Variants in PDZRN4 observed in about 807,000 individuals in gnomAD.
The protein encoded by PDZRN4 is PDZ domain containing ring finger 4.
Under a neutral mutation model 99.0 loss-of-function variants are expected in PDZRN4, and 70 were observed. The observed-to-expected ratio is 0.71, with a 90% CI of 0.58 to 0.86. The LOEUF (loss-of-function observed/expected upper bound fraction) is 0.86. PDZRN4 is among the 40% of genes least tolerant of loss of function. The pLI, the probability that PDZRN4 is intolerant of heterozygous loss-of-function variation, is 0.00. For missense variants in PDZRN4, 1,474 were observed against 1,331.2 expected, an observed-to-expected ratio of 1.11 and a Z score of -1.67; for synonymous variants, 551 against 501.6, an observed-to-expected ratio of 1.10 and a Z score of -1.32.
chr12:41,276,335 G>A (rs1468629446), intron 3 of PDZRN4, among the ~76,000 whole-genome samples: 7 of 152,050 alleles, frequency 4.6e-5, no homozygotes, highest in Admixed American at 4.6e-4. Context: ...ATACAAATAA[G>A]CTCTTCTCTG....
chr12:41,562,397 C>T (rs922872873), intron 7 of PDZRN4, among the ~76,000 whole-genome samples: 4 of 152,086 alleles, frequency 2.6e-5, no homozygotes, highest in Non-Finnish European at 5.9e-5. Flanking sequence ...CTACTTCATG[C>T]TTTTAAGCAG....
intron 3 of PDZRN4, among the ~76,000 whole-genome samples, chr12:41,456,032 C>G (rs1242255801): frequency 6.6e-6 from 1 of 152,154 alleles, no homozygotes; most frequent in African/African-American, 2.4e-5. Flanking sequence ...CTCTCCTTTC[C>G]TTTACCACCA....
chr12:41,355,022 G>A (rs1951916448), intron 3 of PDZRN4, among the ~76,000 whole-genome samples: 1 of 152,100 alleles, frequency 6.6e-6, no homozygotes, highest in Non-Finnish European at 1.5e-5. Flanking sequence ...GCACCACACT[G>A]TTTAATCAAG....
At chr12:41,437,669 G>A (rs1239613674) in intron 3 of PDZRN4, 1 of 1,044,678 alleles carries the variant, frequency 9.6e-7, no homozygotes, top group Admixed American at 3.1e-5. Context: ...GTAGTCATGT[G>A]CACTGATGCA....
chr12:41,350,421 T>C (rs1951881796), intron 3 of PDZRN4, among the ~76,000 whole-genome samples: 1 of 152,078 alleles, frequency 6.6e-6, no homozygotes, highest in African/African-American at 2.4e-5. Context: ...GAAAACTAAA[T>C]TTTAAAAGTC....
At position 41,225,338 on chromosome 12, in the gene PDZRN4, T is replaced by C. The variant is rs187200262; in HGVS notation, c.843+31150T>C. 1.3e-3 allele frequency among the ~76,000 whole-genome samples: 196 copies of C among 152,138 alleles called. 2 individuals are homozygous for C. Among genetic ancestry groups the C allele is most frequent in the African/African-American group, 4.5e-3 (186 of 41,544 alleles). On this transcript the variant is annotated intron_variant, in intron 3 of 9. Transcript: ENST00000402685. ...GGGTGGTTGCATCTGATGTAATAAA[T>C]TGAAAGGAAGAAAGCTAAAAATAAA...
intron 5 of PDZRN4, among the ~76,000 whole-genome samples, chr12:41,546,229 C>T (rs1938948193): frequency 6.6e-6 from 1 of 152,146 alleles, no homozygotes; most frequent in East Asian, 1.9e-4. Context: ...TTGGTCTTAA[C>T]CACAATTGAC....
intron 3 of PDZRN4, among the ~76,000 whole-genome samples, chr12:41,305,581 C>T (rs1427505535): frequency 6.6e-6 from 1 of 151,902 alleles, no homozygotes; most frequent in African/African-American, 2.4e-5. Flanking sequence ...AGAGAGGTCT[C>T]TTCATCTTCT....
intron 3 of PDZRN4, among the ~76,000 whole-genome samples, chr12:41,446,516 A>T (rs983057651): frequency 3.4e-5 from 4 of 117,666 alleles, no homozygotes; most frequent in African/African-American, 1.5e-4. Context: ...ATCATGGTAG[A>T]ATTTAGATGG....
At chr12:41,300,779 T>G (rs1951530709) in intron 3 of PDZRN4, among the ~76,000 whole-genome samples, 1 of 151,978 alleles carries the variant, frequency 6.6e-6, no homozygotes, top group South Asian at 2.1e-4. Flanking sequence ...AATATAACTT[T>G]GTGATTTTTC....
At chr12:41,419,806 G>C (rs141093612) in intron 3 of PDZRN4, among the ~76,000 whole-genome samples, 1 of 152,286 alleles carries the variant, frequency 6.6e-6, no homozygotes. Context: ...TCAGATGCAT[G>C]CAGCACATGC....
intron 5 of PDZRN4, among the ~76,000 whole-genome samples, chr12:41,521,428 G>T (rs1365394364): frequency 6.6e-6 from 1 of 152,048 alleles, no homozygotes; most frequent in Admixed American, 6.6e-5. Context: ...CATTGTATAA[G>T]ATGAATAGAG....
rs569838668 is a variant in PDZRN4 at position 41,440,201 on chromosome 12, A to T, written c.844-66255A>T. Among the ~76,000 whole-genome samples the T allele has an allele frequency of 3.9e-5, 6 of 152,256 alleles. No individual in the cohort carries two copies. The South Asian group carries it at 1.2e-3, about 32-fold the overall frequency. The stretch of plus-strand genomic sequence containing the variant: ...CATACACTAACACCTGATTGCCCAA[A>T]TCATATTTATTTAAAGAATTGTAAT... On this transcript the variant is annotated intron_variant, in intron 3 of 9. Coordinates refer to ENST00000402685, the MANE Select transcript of PDZRN4 (RefSeq NM_001164595.2).
chr12:41,326,946 AT>A (rs1951712851), intron 3 of PDZRN4, among the ~76,000 whole-genome samples: 1 of 152,202 alleles, frequency 6.6e-6, no homozygotes, highest in Non-Finnish European at 1.5e-5. Context: ...TGAATGACAT[AT>A]TATTTGCTCC....
At chr12:41,509,365 A>G (rs1022766316) in intron 4 of PDZRN4, among the ~76,000 whole-genome samples, 2 of 152,098 alleles carry the variant, frequency 1.3e-5, no homozygotes, top group Admixed American at 6.6e-5. Flanking sequence ...GCTTTTGAAA[A>G]TGGTTTTCAA....
chr12:41,290,897 C>G (rs1393050904), intron 3 of PDZRN4, among the ~76,000 whole-genome samples: 1 of 151,972 alleles, frequency 6.6e-6, no homozygotes, highest in Admixed American at 6.6e-5. Context: ...TAATTTGATT[C>G]ATTTCCTTAA....
At chr12:41,255,801 A>G (rs756497342) in intron 3 of PDZRN4, among the ~76,000 whole-genome samples, 2 of 152,188 alleles carry the variant, frequency 1.3e-5, no homozygotes, top group Non-Finnish European at 2.9e-5. Flanking sequence ...AGCCCATCAC[A>G]TGGTGAGAGA....
At chr12:41,559,078 T>G (rs1183679010) in intron 7 of PDZRN4, among the ~76,000 whole-genome samples, 1 of 152,198 alleles carries the variant, frequency 6.6e-6, no homozygotes, top group East Asian at 1.9e-4. Flanking sequence ...AAGTAAAGTA[T>G]GTCAATGGCC....
Position 41,572,566 on chromosome 12 carries a change from G to C in PDZRN4, c.1787G>C (p.Gly596Ala). 6.2e-7 allele frequency: 1 copy of C among 1,614,104 alleles called. No individual in the cohort carries two copies. The highest frequency in any genetic ancestry group is 8.5e-7 in the Non-Finnish European group (1 of 1,179,990). ...RDLGQSQDTL[G>A]SVELQYNESL... is the part of the protein sequence containing the mutation. ...CTGGGGCAGAGCCAAGACACTCTGG[G>C]AAGTGTTGAACTTCAGTACAATGAG... The change falls in exon 10 of 10, where the codon GGA becomes GCA. Residue 596 changes from glycine to alanine, a missense_variant. Transcript: ENST00000402685.
Sources: allele counts gnomAD v4.1 joint callset (sites outside exome capture counted in the v4.1 genomes callset), GRCh38; gene constraint gnomAD v4.1.1; transcripts MANE v1.5; gene names NCBI Gene and HGNC (gene_info 2026-07-23, HGNC 2026-07-21).